DIP2C: variants seen among roughly 807,000 people sequenced by gnomAD.
DIP2C encodes disco-interacting protein 2 homolog C.
A neutral mutation model predicts 192.4 loss-of-function variants in DIP2C; 33 were observed. The ratio of observed to expected loss-of-function variants is 0.17; its 90% CI spans 0.13 to 0.23. DIP2C has a LOEUF of 0.23. Among genes scored for constraint, DIP2C ranks in the 10% least tolerant of loss-of-function variants. The pLI, the probability that DIP2C is intolerant of heterozygous loss-of-function variation, is 1.00. For missense variants in DIP2C, 1,537 were observed against 2,110.1 expected, an observed-to-expected ratio of 0.73 and a Z score of 5.32; for synonymous variants, 979 against 864.1, an observed-to-expected ratio of 1.13 and a Z score of -2.33.
intron 1 of DIP2C, among the ~76,000 whole-genome samples, chr10:569,808 T>C (rs1194515495): frequency 6.6e-6 from 1 of 152,104 alleles, no homozygotes; most frequent in African/African-American, 2.4e-5. Flanking sequence ...CACAAGGACA[T>C]GGCAACCATG....
At chr10:454,658 C>T (rs924122681) in intron 3 of DIP2C, among the ~76,000 whole-genome samples, 1 of 149,826 alleles carries the variant, frequency 6.7e-6, no homozygotes, top group Non-Finnish European at 1.5e-5. Flanking sequence ...TATACAAATG[C>T]ACCATCTATG....
At chr10:379,080 C>T (rs1397945212) in intron 17 of DIP2C, among the ~76,000 whole-genome samples, 1 of 152,078 alleles carries the variant, frequency 6.6e-6, no homozygotes, top group Non-Finnish European at 1.5e-5. Flanking sequence ...CAGTGACCTG[C>T]CTGCAGCGCT....
chr10:394,330 T>TG (rs1963767791), intron 10 of DIP2C, among the ~76,000 whole-genome samples: 1 of 150,598 alleles, frequency 6.6e-6, no homozygotes, highest in Non-Finnish European at 1.5e-5. Context: ...TGCTCTGTGC[T>TG]GAACTGGAAG....
At chr10:359,070 T>C (rs1959193743) in intron 22 of DIP2C, among the ~76,000 whole-genome samples, 1 of 152,134 alleles carries the variant, frequency 6.6e-6, no homozygotes, top group African/African-American at 2.4e-5. Context: ...AGGTTGCTCA[T>C]AGCCGTGTCA....
intron 1 of DIP2C, among the ~76,000 whole-genome samples, chr10:686,062 G>T (rs1233713724): frequency 6.6e-6 from 1 of 152,178 alleles, no homozygotes; most frequent in East Asian, 1.9e-4. Context: ...AGTTATTAAT[G>T]AAATTATTTT....
intron 31 of DIP2C, among the ~76,000 whole-genome samples, chr10:325,201 C>A (rs892126394): frequency 6.6e-6 from 1 of 151,962 alleles, no homozygotes; most frequent in Non-Finnish European, 1.5e-5. Flanking sequence ...GCAGGTGGAG[C>A]TTGCAGTGAG....
intron 17 of DIP2C, among the ~76,000 whole-genome samples, chr10:372,228 C>G (rs1378009557): frequency 6.6e-6 from 1 of 152,100 alleles, no homozygotes; most frequent in Non-Finnish European, 1.5e-5. Context: ...GGCGCCGCCA[C>G]CACAGCCAGT....
intron 32 of DIP2C, among the ~76,000 whole-genome samples, chr10:295,420 G>T (rs1358072230): frequency 6.6e-6 from 1 of 151,790 alleles, no homozygotes; most frequent in Non-Finnish European, 1.5e-5. Flanking sequence ...AATTAGCCGG[G>T]TGCGGTGGCG....
At chr10:410,829 G>C (rs1965135732) in intron 8 of DIP2C, among the ~76,000 whole-genome samples, 1 of 152,178 alleles carries the variant, frequency 6.6e-6, no homozygotes, top group South Asian at 2.1e-4. Flanking sequence ...AAATATATTT[G>C]GTATTTTTAT....
At chr10:414,251 A>G (rs1223786571) in intron 7 of DIP2C, 141 bp from the exon 8 acceptor site, 5 of 1,052,432 alleles carry the variant, frequency 4.8e-6, no homozygotes, top group Non-Finnish European at 5.3e-6. Flanking sequence ...CTTTTCTAGA[A>G]TTGGGGTCTA....
chr10:376,006 C>T (rs537609815), intron 17 of DIP2C, among the ~76,000 whole-genome samples: 8 of 152,182 alleles, frequency 5.3e-5, no homozygotes, highest in Admixed American at 2.6e-4. Context: ...TTCTATGCAA[C>T]GGACCACACA....
chr10:568,797 A>C (rs1004542071), intron 1 of DIP2C, among the ~76,000 whole-genome samples: 1 of 87,000 alleles, frequency 1.1e-5, no homozygotes, highest in African/African-American at 8.1e-5. Context: ...AAAAAAAAAA[A>C]ACCTTCACTT....
intron 10 of DIP2C, among the ~76,000 whole-genome samples, chr10:395,099 G>T (rs568280369): frequency 6.8e-5 from 8 of 116,792 alleles, no homozygotes; most frequent in South Asian, 7.1e-4. Flanking sequence ...CGAGGGCTGG[G>T]GGGGAGGGAG....
intron 1 of DIP2C, among the ~76,000 whole-genome samples, chr10:653,157 T>C (rs1856054704): frequency 6.6e-6 from 1 of 150,994 alleles, no homozygotes; most frequent in African/African-American, 2.4e-5. Flanking sequence ...ACATTTAAAA[T>C]GGTCATGGCA....
At chr10:534,833 C>T (rs1006900482) in intron 1 of DIP2C, among the ~76,000 whole-genome samples, 4 of 151,908 alleles carry the variant, frequency 2.6e-5, no homozygotes, top group Admixed American at 1.3e-4. Context: ...CCTGCCACCG[C>T]GCCCGGCTAA....
intron 28 of DIP2C, 57 bp from the exon 29 acceptor site, chr10:341,386 G>C: frequency 6.2e-7 from 1 of 1,608,766 alleles, no homozygotes; most frequent in African/African-American, 1.3e-5. Flanking sequence ...AGACACCCGG[G>C]ACAATACGGG....
chr10:467,418 T>C (rs1970299724), intron 3 of DIP2C, among the ~76,000 whole-genome samples: 1 of 147,790 alleles, frequency 6.8e-6, no homozygotes, highest in Non-Finnish European at 1.5e-5. Context: ...CATTGGGAGA[T>C]ATACCTAATG....
chr10:491,631 G>A (rs1844454469), intron 1 of DIP2C, among the ~76,000 whole-genome samples: 3 of 152,186 alleles, frequency 2.0e-5, no homozygotes, highest in African/African-American at 2.4e-5. Flanking sequence ...AGTGTGGGTC[G>A]CATTTTTCTC....
intron 1 of DIP2C, among the ~76,000 whole-genome samples, chr10:550,023 T>TTC (rs1554898439): frequency 6.6e-6 from 1 of 151,294 alleles, no homozygotes; most frequent in Non-Finnish European, 1.5e-5. Flanking sequence ...TTTTTTTTTT[T>TTC]TCTCTTAAGA....
Sources: allele counts gnomAD v4.1 joint callset (sites outside exome capture counted in the v4.1 genomes callset), GRCh38; gene constraint gnomAD v4.1.1; transcripts MANE v1.5; gene names NCBI Gene and HGNC (gene_info 2026-07-23, HGNC 2026-07-21).